FAM20A: variants seen among roughly 807,000 people sequenced by gnomAD.
FAM20A encodes the protein FAM20A golgi associated secretory pathway pseudokinase.
FAM20A carries 42 observed loss-of-function variants against 52.0 expected under a neutral mutation model. That is an observed-to-expected ratio of 0.81 (90% CI 0.63 to 1.04). FAM20A has a LOEUF of 1.04. FAM20A is among the 50% of genes least tolerant of loss of function. The probability of loss-of-function intolerance (pLI) is 0.00; values close to 1 mark genes in which losing one functional copy is unlikely to be tolerated. For missense variants in FAM20A, 742 were observed against 712.7 expected, an observed-to-expected ratio of 1.04 and a Z score of -0.47; for synonymous variants, 304 against 298.9, an observed-to-expected ratio of 1.02 and a Z score of -0.18.
Position 68,537,851 on chromosome 17 carries a change from C to T in FAM20A, c.1362-110G>A. 8.2e-7 allele frequency: 1 copy of T among 1,216,138 alleles called. No homozygotes were observed. The highest frequency in any genetic ancestry group is 1.2e-6 in the Non-Finnish European group (1 of 854,192). 75.3% of individuals were successfully genotyped at this position (1,216,138 alleles called of 1,614,324 possible). ...GTAGCTGATACTCTTGGCGCCTCTC[C>T]TTGTGTCTTCTCAGGCACATTTTAA... On this transcript the variant is annotated intron_variant, in intron 10 of 10. Coordinates refer to ENST00000592554, the MANE Select transcript of FAM20A (RefSeq NM_017565.4). This position sits in a 1 kb window ranked among gnomAD's most constrained non-coding sequence, Gnocchi z 4.2.
chr17:68,542,890 A>G (rs552653545), intron 5 of FAM20A, 81 bp from the exon 6 acceptor site: 90 of 1,093,624 alleles, frequency 8.2e-5, no homozygotes, highest in Middle Eastern at 2.2e-4. Flanking sequence ...GCCAGTGCAC[A>G]TTAGGAATTG....
Position 68,551,942 on chromosome 17 carries a change from G to T in FAM20A, c.650C>A (p.Pro217His). ...GACDCTQIVK[P>H]SGVHLKLVLR... Reference sequence around the variant, plus strand: ...CACCAGCTTGAGGTGGACCCCACTGGGTTTCACAACTGTGAAAGGCAGAAG... The same window carrying T: ...CACCAGCTTGAGGTGGACCCCACTGTGTTTCACAACTGTGAAAGGCAGAAG... The change falls in exon 4 of 11, where the codon CCC becomes CAC. Residue 217 changes from proline to histidine, a missense_variant. Pro to His is a moderately conservative substitution (Grantham distance 77, BLOSUM62 -2). Transcript: ENST00000592554. The T allele has an allele frequency of 6.3e-7, 1 of 1,585,182 alleles. No individual in the cohort carries two copies. The highest frequency in any genetic ancestry group is 8.6e-7 in the Non-Finnish European group (1 of 1,163,624).
intron 7 of FAM20A, 120 bp downstream of exon 7, chr17:68,541,865 G>C: frequency 2.5e-6 from 3 of 1,187,122 alleles, no homozygotes; most frequent in Non-Finnish European, 3.6e-6. Flanking sequence ...AATATGAAAT[G>C]GGGCAAAGGA....
In FAM20A at chr17:68,560,301, C is replaced by T. The variant is rs924354600; in HGVS notation, c.405-4558G>A. Among the ~76,000 whole-genome samples, 11 of 149,424 alleles carry T rather than the reference C, an allele frequency of 7.4e-5. No homozygotes were observed. The East Asian group carries it at 7.9e-4, about 11-fold the overall frequency. On this transcript the variant is annotated intron_variant, in intron 1 of 10. Transcript: ENST00000592554. ...TGGAGGTTGCAGTGAGCTGAGATCA[C>T]GCCACTGCACTCTGGCCTGGCGACA...
chr17:68,581,382 C>CTTTCTT (rs1449736208), intron 1 of FAM20A, among the ~76,000 whole-genome samples: 6 of 143,766 alleles, frequency 4.2e-5, no homozygotes, highest in Non-Finnish European at 9.0e-5. Flanking sequence ...TTCTTTCTTT[C>CTTTCTT]TTTCTTTCTT....
At chr17:68,566,012 G>A (rs1437902770) in intron 1 of FAM20A, among the ~76,000 whole-genome samples, 4 of 152,098 alleles carry the variant, frequency 2.6e-5, no homozygotes, top group Admixed American at 2.6e-4. Context: ...TATGTTTAGT[G>A]TTCCTGTACT....
intron 8 of FAM20A, chr17:68,540,478 T>C (rs1483277152): frequency 8.5e-6 from 4 of 469,988 alleles, no homozygotes; most frequent in South Asian, 3.1e-5. Flanking sequence ...GAATTACTAG[T>C]CTTGTGTGTC....
At chr17:68,581,314 G>A (rs1467555544) in intron 1 of FAM20A, among the ~76,000 whole-genome samples, 3 of 150,116 alleles carry the variant, frequency 2.0e-5, no homozygotes, top group Non-Finnish European at 4.4e-5. Flanking sequence ...GTTGAGTTTC[G>A]GCTCTGGAGT....
At chr17:68,596,106 G>A (rs1050800880) in intron 1 of FAM20A, among the ~76,000 whole-genome samples, 4 of 152,138 alleles carry the variant, frequency 2.6e-5, no homozygotes, top group Non-Finnish European at 5.9e-5. Context: ...TCTTTGCGGT[G>A]ATTTTCAAAG....
chr17:68,552,537 T>TCTCTTACC (rs1411189967), intron 3 of FAM20A, among the ~76,000 whole-genome samples: 1 of 152,086 alleles, frequency 6.6e-6, no homozygotes, highest in African/African-American at 2.4e-5. Context: ...GCACCTCACT[T>TCTCTTACC]CTCTTACCCT....
At chr17:68,551,978 C>T (rs752721214) in intron 3 of FAM20A, 27 bp from the exon 4 acceptor site, 3 of 1,497,918 alleles carry the variant, frequency 2.0e-6, no homozygotes, top group South Asian at 2.4e-5. Context: ...GGTGAGTTAA[C>T]CATGCTTCCG....
intron 1 of FAM20A, among the ~76,000 whole-genome samples, chr17:68,579,439 T>G (rs1260130788): frequency 6.6e-6 from 1 of 152,046 alleles, no homozygotes; most frequent in Non-Finnish European, 1.5e-5. Flanking sequence ...TCAGACTAAA[T>G]TTCTAGCCAA....
At chr17:68,573,992 C>T (rs1048090936) in intron 1 of FAM20A, among the ~76,000 whole-genome samples, 1 of 151,970 alleles carries the variant, frequency 6.6e-6, no homozygotes, top group African/African-American at 2.4e-5. Flanking sequence ...TTATTTCTTA[C>T]AGTTTTAGAG....
rs749849917 is a variant in FAM20A at position 68,536,198 on chromosome 17, G to A, written c.*1279C>T. 2.2e-6 allele frequency: 1 copy of A among 454,100 alleles called. No homozygotes were observed. The highest frequency in any genetic ancestry group is 1.6e-5 in the South Asian group (1 of 64,472). 28.1% of individuals were successfully genotyped at this position (454,100 alleles called of 1,614,324 possible). ...TGCAGAAAGCTTGGAGACATTTCTG[G>A]TTCTTGACCTTGTACTCTCTTTAGT... On this transcript the variant is annotated 3_prime_UTR_variant, in exon 11 of 11. Coordinates refer to ENST00000592554, the MANE Select transcript of FAM20A (RefSeq NM_017565.4).
At chr17:68,560,956 C>A (rs2087196068) in intron 1 of FAM20A, among the ~76,000 whole-genome samples, 1 of 152,156 alleles carries the variant, frequency 6.6e-6, no homozygotes, top group Non-Finnish European at 1.5e-5. Flanking sequence ...TTCCTCTGTT[C>A]AAGAGTCATT....
At position 68,549,689 on chromosome 17, in the gene FAM20A, A is replaced by G. The variant is rs186088259; in HGVS notation, c.719+2184T>C. Among the ~76,000 whole-genome samples the G allele has an allele frequency of 6.9e-3, 1,057 of 152,260 alleles. 6 individuals are homozygous for G. Among genetic ancestry groups the G allele is most frequent in the African/African-American group, 0.019 (791 of 41,538 alleles). ...CTCTAACTGGGGCTGTCTTTTGAGT[A>G]TATATTATATGTGCTCGACTAACTG... On this transcript the variant is annotated intron_variant, in intron 4 of 10. Transcript: ENST00000592554.
chr17:68,561,835 T>G (rs910422056), intron 1 of FAM20A, among the ~76,000 whole-genome samples: 3 of 152,178 alleles, frequency 2.0e-5, no homozygotes, highest in Non-Finnish European at 4.4e-5. Context: ...TTCTGTTTTA[T>G]TTTTTGAGAC....
chr17:68,580,591 C>T (rs1222125659), intron 1 of FAM20A, among the ~76,000 whole-genome samples: 1 of 152,208 alleles, frequency 6.6e-6, no homozygotes, highest in African/African-American at 2.4e-5. Flanking sequence ...GCTGGAGTGG[C>T]CCCGAACTGG....
chr17:68,590,101 T>C (rs1032165739), intron 1 of FAM20A: 3 of 152,226 alleles, frequency 2.0e-5, no homozygotes, highest in Non-Finnish European at 4.4e-5. Flanking sequence ...GGTGTAGGTT[T>C]TCTTAAATTA....
Sources: gnomAD v4.1 joint callset for allele counts (sites outside exome capture counted in the v4.1 genomes callset) on GRCh38, gnomAD v4.1.1 for gene constraint, Gnocchi (gnomAD v3.1) non-coding constraint, MANE v1.5 for transcripts, NCBI Gene and HGNC (gene_info 2026-07-23, HGNC 2026-07-21) for gene names.